WASHC2C: variants seen among roughly 807,000 people sequenced by gnomAD.
WASHC2C encodes Vaccinia Penetration Factor.
Under a neutral mutation model 142.2 loss-of-function variants are expected in WASHC2C, and 73 were observed. The observed-to-expected ratio is 0.51, with a 90% CI of 0.43 to 0.62. The LOEUF is 0.62. Ranked by LOEUF, WASHC2C falls within the 20% of genes least tolerant of loss-of-function variation. WASHC2C has a pLI of 0.00. For synonymous variants in WASHC2C, 337 were observed against 565.5 expected (o/e 0.60, Z 5.73); for missense variants, 969 against 1,531.7 (o/e 0.63, Z 6.13).
At chr10:45,755,812 G>A (rs2054206972) in intron 15 of WASHC2C, among the ~76,000 whole-genome samples, 1 of 151,580 alleles carries the variant, frequency 6.6e-6, no homozygotes. Context: ...GAAAAGAAAG[G>A]TAGATCCCTA....
At position 45,756,999 on chromosome 10, in the gene WASHC2C, G is replaced by C. The variant is rs1554877486; in HGVS notation, c.1421-13G>C. ...GACGTTAGTGTCATTTTATGCCTTG[G>C]TATTTTTTACAGGCAAAGTCCAATC... On this transcript the variant is annotated splice_polypyrimidine_tract_variant and intron_variant, in intron 15 of 30. Coordinates refer to ENST00000623400, the MANE Select transcript of WASHC2C (RefSeq NM_001330074.2). The C allele has an allele frequency of 1.3e-6, 2 of 1,586,248 alleles. No homozygotes were observed. The highest frequency in any genetic ancestry group is 2.7e-5 in the African/African-American group (2 of 73,214).
intron 21 of WASHC2C, among the ~76,000 whole-genome samples, chr10:45,775,225 G>A (rs1287467625): frequency 6.7e-6 from 1 of 149,206 alleles, no homozygotes; most frequent in African/African-American, 2.5e-5. Context: ...GGTGGCTCAC[G>A]CCTGTAATCC....
chr10:45,727,501 A>G lies in WASHC2C; in HGVS notation c.88A>G (p.Arg30Gly). ...GCCGTGGTCGGTGGAGGAGATCCGC[A>G]GGAGCAGCCAGAGCTGGTCGCTGGC... ...ERPWSVEEIR[R>G]SSQSWSLAAD... is the part of the protein sequence containing the mutation. The change falls in exon 2 of 31, where the codon AGG becomes GGG. Residue 30 changes from arginine to glycine, a missense_variant. Coordinates refer to ENST00000623400, the MANE Select transcript of WASHC2C (RefSeq NM_001330074.2). 6.2e-7 allele frequency: 1 copy of G among 1,603,276 alleles called. No individual in the cohort carries two copies. Among genetic ancestry groups the G allele is most frequent in the Non-Finnish European group, 8.5e-7 (1 of 1,176,498 alleles).
rs1300034879 is a variant in WASHC2C, at chr10:45,787,092, GAA to G, written c.2933_2934del (p.Glu978GlyfsTer14). 2 of 1,606,400 alleles carry G rather than the reference GAA, an allele frequency of 1.2e-6. No individual in the cohort carries two copies. The highest frequency in any genetic ancestry group is 2.7e-5 in the African/African-American group (2 of 73,572). On this transcript the variant is annotated frameshift_variant, in exon 28 of 31. Coordinates refer to ENST00000623400, the MANE Select transcript of WASHC2C (RefSeq NM_001330074.2). LOFTEE classifies it high-confidence loss of function. ...LLPTAASQIS[E>X]VKPVLPELAF... ...GCCCACAGCGGCTTCCCAGATCTCT[GAA>G]GTAAAGCCTGTTTTGCCAGAATTGG...
At chr10:45,733,980 T>G (rs1301335753) in intron 3 of WASHC2C, among the ~76,000 whole-genome samples, 1 of 152,012 alleles carries the variant, frequency 6.6e-6, no homozygotes, top group Admixed American at 6.6e-5. Context: ...CTGTAGCACT[T>G]TGGGAGGCCG....
intron 28 of WASHC2C, among the ~76,000 whole-genome samples, chr10:45,787,609 G>C (rs2058138955): frequency 6.6e-6 from 1 of 150,836 alleles, no homozygotes; most frequent in Non-Finnish European, 1.5e-5. Context: ...AGAGCATTCG[G>C]GCTCCTGGGT....
chr10:45,744,927 TA>T (rs1288931598), intron 7 of WASHC2C, 45 bp downstream of exon 7: 2 of 521,140 alleles, frequency 3.8e-6, no homozygotes, highest in Non-Finnish European at 6.7e-6. Context: ...GCAGCAAGCT[TA>T]ATTTAAGATG....
At chr10:45,769,015 A>G (rs2135341806) in intron 19 of WASHC2C, among the ~76,000 whole-genome samples, 1 of 152,286 alleles carries the variant, frequency 6.6e-6, no homozygotes, top group East Asian at 1.9e-4. Flanking sequence ...GCTTTCTTCA[A>G]GACTGATGCA....
chr10:45,731,615 T>C lies in WASHC2C; in HGVS notation c.291+2589T>C, dbSNP rs1424842291. On this transcript the variant is annotated intron_variant, in intron 3 of 30. Coordinates refer to ENST00000623400, the MANE Select transcript of WASHC2C (RefSeq NM_001330074.2). The stretch of plus-strand genomic sequence containing the variant: ...CCTTCCAGTCTGCAGCCAGAACTCT[T>C]CTCCGGATGTGCTGGTTGCCGCTGC... 5.3e-5 allele frequency among the ~76,000 whole-genome samples: 8 copies of C among 151,408 alleles called. No individual in the cohort carries two copies. The East Asian group carries it at 1.6e-3, about 30-fold the overall frequency.
At chr10:45,766,991 G>C in intron 19 of WASHC2C, among the ~76,000 whole-genome samples, 1 of 152,196 alleles carries the variant, frequency 6.6e-6, no homozygotes, top group Non-Finnish European at 1.5e-5. Context: ...ATGCGGCCGG[G>C]CGTGGTAGCT....
At chr10:45,780,909 A>G (rs1183329283) in intron 23 of WASHC2C, among the ~76,000 whole-genome samples, 2 of 151,530 alleles carry the variant, frequency 1.3e-5, no homozygotes, top group African/African-American at 4.9e-5. Context: ...ACCCACCACC[A>G]TGCCCAGCTA....
chr10:45,757,197 A>G, intron 16 of WASHC2C, 58 bp downstream of exon 16: 3 of 1,610,380 alleles, frequency 1.9e-6, no homozygotes, highest in Admixed American at 1.7e-5. Flanking sequence ...TTAATAATTC[A>G]TCCGGAACCC....
At chr10:45,736,768 T>C (rs1199550465) in intron 3 of WASHC2C, among the ~76,000 whole-genome samples, 2 of 152,176 alleles carry the variant, frequency 1.3e-5, no homozygotes, top group Admixed American at 1.3e-4. Flanking sequence ...AAAATACATC[T>C]CTTTTCCATG....
At chr10:45,768,184 G>A (rs1402243082) in intron 19 of WASHC2C, among the ~76,000 whole-genome samples, 101 of 148,744 alleles carry the variant, frequency 6.8e-4, no homozygotes, top group African/African-American at 2.2e-3. Context: ...CCGAGACCGC[G>A]CCACTGCACT....
Position 45,786,675 on chromosome 10 carries a change from G to A in WASHC2C, c.2874+1G>A. 1 of 1,611,780 alleles carries A rather than the reference G, an allele frequency of 6.2e-7. No homozygotes were observed. The highest frequency in any genetic ancestry group is 8.5e-7 in the Non-Finnish European group (1 of 1,179,692). On this transcript the variant is annotated splice_donor_variant, in intron 27 of 30. Coordinates refer to ENST00000623400, the MANE Select transcript of WASHC2C (RefSeq NM_001330074.2). LOFTEE classifies it high-confidence loss of function. ...ATCCACTCGGATCGGGAAGATACAAGTAATTAAAACACTGGAATCTTCATT... is the reference window on the plus strand; with the variant it reads ...ATCCACTCGGATCGGGAAGATACAAATAATTAAAACACTGGAATCTTCATT...
At chr10:45,729,146 A>G in intron 3 of WASHC2C, 120 bp downstream of exon 3, 1 of 1,136,338 alleles carries the variant, frequency 8.8e-7, no homozygotes, top group Non-Finnish European at 1.2e-6. Flanking sequence ...TGGTAATTGT[A>G]GCTTTTTTCT....
intron 16 of WASHC2C, among the ~76,000 whole-genome samples, chr10:45,757,467 A>T (rs1193611950): frequency 6.6e-6 from 1 of 150,708 alleles, no homozygotes; most frequent in Non-Finnish European, 1.5e-5. Flanking sequence ...ATATTTCATT[A>T]AGCCTCTCTT....
intron 8 of WASHC2C, among the ~76,000 whole-genome samples, chr10:45,748,500 G>A (rs1252016098): frequency 6.6e-5 from 10 of 152,292 alleles, no homozygotes; most frequent in South Asian, 6.2e-4. Flanking sequence ...ATGTTGGCGC[G>A]GCTGGTCTTG....
chr10:45,788,974 G>T lies in WASHC2C; in HGVS notation c.3191G>T (p.Gly1064Val). The change falls in exon 29 of 31, where the codon GGA becomes GTA. Residue 1064 changes from glycine (G) to valine (V), a missense_variant. Gly to Val is a moderately radical substitution (Grantham distance 109). Transcript: ENST00000623400. ...GCTGAGGACATGAGCGTCCCCAGAG[G>T]ACCCATTGCACAGTGGGCTGATGGC... ...SEAEDMSVPR[G>V]PIAQWADGAI... 1 of 1,612,020 alleles carries T rather than the reference G, an allele frequency of 6.2e-7. No homozygotes were observed.
Sources: allele counts gnomAD v4.1 joint callset (sites outside exome capture counted in the v4.1 genomes callset), GRCh38; gene constraint gnomAD v4.1.1; transcripts MANE v1.5; gene names NCBI Gene and HGNC (gene_info 2026-07-23, HGNC 2026-07-21).